The following LYZL2 variants were observed in gnomAD, a reference collection of about 807,000 sequenced individuals.
LYZL2 encodes the protein lysozyme-like protein 2.
LYZL2 carries 13 observed loss-of-function variants against 17.1 expected under a neutral mutation model. The observed-to-expected ratio is 0.76, with a 90% CI of 0.49 to 1.21. The LOEUF is 1.21. Among genes scored for constraint, LYZL2 ranks in the 50% most tolerant of loss-of-function variants. The pLI is 0.00. For missense variants in LYZL2, 166 were observed against 189.2 expected (o/e 0.88, Z 0.72); for synonymous variants, 63 against 74.4 (o/e 0.85, Z 0.79).
intron 3 of LYZL2, among the ~76,000 whole-genome samples, chr10:30,619,612 G>A (rs1441571609): frequency 6.7e-6 from 1 of 150,290 alleles, no homozygotes; most frequent in African/African-American, 2.4e-5. Context: ...TCACTCATAG[G>A]TGGGAATTGA....
downstream of LYZL2, among the ~76,000 whole-genome samples, chr10:30,607,389 C>A (rs187043919): frequency 6.4e-4 from 98 of 152,106 alleles, 1 homozygote; most frequent in African/African-American, 2.0e-3. Flanking sequence ...AATGTGCAAA[C>A]TGCAGCTTCG....
chr10:30,628,109 G>A (rs1219815640), intron 1 of LYZL2, among the ~76,000 whole-genome samples: 1 of 152,046 alleles, frequency 6.6e-6, no homozygotes, highest in East Asian at 1.9e-4. Flanking sequence ...GCAGTGAGCG[G>A]AGATTGCGCC....
chr10:30,628,173 T>C (rs1348072465), intron 1 of LYZL2, among the ~76,000 whole-genome samples: 2 of 151,826 alleles, frequency 1.3e-5, no homozygotes, highest in Non-Finnish European at 2.9e-5. Flanking sequence ...AAAAAAAAGA[T>C]TCATCGTTTG....
Position 30,629,707 on chromosome 10 carries a change from C to G in LYZL2, c.-140G>C, listed in dbSNP as rs1427633392. 1.9e-6 allele frequency: 3 copies of G among 1,608,236 alleles called. No homozygotes were observed. Among genetic ancestry groups the G allele is most frequent in the South Asian group, 1.1e-5 (1 of 90,710 alleles). On this transcript the variant is annotated 5_prime_UTR_variant, in exon 1 of 5. Coordinates refer to ENST00000647634, the MANE Select transcript of LYZL2 (RefSeq NM_183058.3). The stretch of plus-strand genomic sequence containing the variant: ...GCAGCTCAGGGGAGCGTCCTGCATC[C>G]CCTGAAGCCATGTCTGATTCTAACA...
At chr10:30,624,273 C>T (rs866741174) in intron 3 of LYZL2, among the ~76,000 whole-genome samples, 4 of 152,174 alleles carry the variant, frequency 2.6e-5, no homozygotes, top group African/African-American at 9.7e-5. Context: ...GAGTAGGCAT[C>T]AGCAGGGAAG....
downstream of LYZL2, among the ~76,000 whole-genome samples, chr10:30,607,718 T>TC (rs11440473): frequency 0.23 from 35,490 of 151,940 alleles, 5,112 homozygotes; most frequent in African/African-American, 0.42. Context: ...CACCCAGGAT[T>TC]CCTCCCAGAT....
At position 30,626,237 on chromosome 10, in the gene LYZL2, C is replaced by A; in HGVS notation, c.166G>T (p.Gly56Cys). ...ACCGTCTGGGCTGTGGTGTTGTAGC[C>A]GCTCTCATAATACGCCATGCAGATC... ...NWICMAYYESGYNTTAQTVLD... is the reference protein window; with the variant it reads ...NWICMAYYESCYNTTAQTVLD... The change falls in exon 3 of 5, where the codon GGC becomes TGC. Residue 56 changes from glycine to cysteine, a missense_variant. Physicochemically the swap from Gly to Cys is radical, Grantham distance 159 (BLOSUM62 -3). This residue lies in a region of LYZL2 where 134 missense variants were observed against 129.4 expected (regional missense o/e 1.04). Transcript: ENST00000647634. 2 of 1,614,214 alleles carry A rather than the reference C, an allele frequency of 1.2e-6. No individual in the cohort carries two copies. The highest frequency in any genetic ancestry group is 1.7e-6 in the Non-Finnish European group (2 of 1,180,030).
At chr10:30,624,733 C>T (rs1838677244) in intron 3 of LYZL2, among the ~76,000 whole-genome samples, 1 of 152,200 alleles carries the variant, frequency 6.6e-6, no homozygotes, top group African/African-American at 2.4e-5. Flanking sequence ...TAGGGTCTCA[C>T]TATGGGGTCT....
At chr10:30,609,530 CA>C (rs1366580337), downstream of LYZL2, among the ~76,000 whole-genome samples, 2 of 152,186 alleles carry the variant, frequency 1.3e-5, no homozygotes, top group Non-Finnish European at 2.9e-5. Flanking sequence ...AGTTGGGATA[CA>C]AAGAGCCAGA....
chr10:30,606,742 ACT>A, the LYZL2 span, among the ~76,000 whole-genome samples: 1 of 151,420 alleles, frequency 6.6e-6, no homozygotes, highest in South Asian at 2.1e-4. Flanking sequence ...TCTACTCCCC[ACT>A]CTGCACAGCT....
intron 1 of LYZL2, among the ~76,000 whole-genome samples, 167 bp from the exon 2 acceptor site, chr10:30,627,107 T>G (rs1417933746): frequency 6.6e-6 from 1 of 152,166 alleles, no homozygotes; most frequent in Non-Finnish European, 1.5e-5. Context: ...GGAATGTGAC[T>G]GCAGGCTGTC....
chr10:30,607,321 A>T (rs586001), downstream of LYZL2, among the ~76,000 whole-genome samples: 2 of 151,506 alleles, frequency 1.3e-5, no homozygotes, highest in Non-Finnish European at 2.9e-5. Flanking sequence ...CAATGCCTCC[A>T]TTCAATACCC....
chr10:30,616,423 G>C (rs1475806752), intron 3 of LYZL2, among the ~76,000 whole-genome samples: 4 of 152,186 alleles, frequency 2.6e-5, no homozygotes, highest in Admixed American at 2.6e-4. Context: ...GGTGGCTCAC[G>C]CCTATAATCC....
At chr10:30,609,758 C>A (rs1484048396), downstream of LYZL2, among the ~76,000 whole-genome samples, 1 of 152,148 alleles carries the variant, frequency 6.6e-6, no homozygotes, top group East Asian at 1.9e-4. Flanking sequence ...AAATATACTT[C>A]TGTTGAATAA....
At position 30,611,816 on chromosome 10, in the gene LYZL2, T is replaced by C. The variant is rs566006710; in HGVS notation, c.*139A>G. Reference sequence around the variant, plus strand: ...CATTTAAATGGAAATATTTATTTTCTTAAAAGTATAGCTTAATTTTCCCTC... The same window carrying C: ...CATTTAAATGGAAATATTTATTTTCCTAAAAGTATAGCTTAATTTTCCCTC... On this transcript the variant is annotated 3_prime_UTR_variant, in exon 5 of 5. Transcript: ENST00000647634. The C allele has an allele frequency of 4.7e-4, 689 of 1,459,536 alleles. No individual in the cohort carries two copies. Among genetic ancestry groups the C allele is most frequent in the Non-Finnish European group, 5.9e-4 (633 of 1,072,672 alleles). The allele number at this position is 1,459,536 out of a possible 1,614,324, so 90.4% of individuals were successfully genotyped here. A position where few individuals can be genotyped will look rare whatever the true frequency, so the allele number is the denominator to read the frequency against.
rs2479065 is a variant in LYZL2 at position 30,626,751 on chromosome 10, A to G, written c.139+26T>C. 3,788 of 1,612,408 alleles carry G rather than the reference A, an allele frequency of 2.3e-3. 24 individuals are homozygous for G. The African/African-American group carries it at 0.037, about 16-fold the overall frequency. On this transcript the variant is annotated intron_variant, in intron 2 of 4. Coordinates refer to ENST00000647634, the MANE Select transcript of LYZL2 (RefSeq NM_183058.3). ...CTCAGGGGAAAGGTCAAGGACAGAA[A>G]GAGAGCAGGAAAGAAATAATCTCAC...
chr10:30,610,912 C>T (rs1838423585), downstream of LYZL2, among the ~76,000 whole-genome samples: 1 of 152,142 alleles, frequency 6.6e-6, no homozygotes, highest in Non-Finnish European at 1.5e-5. Flanking sequence ...CTCTCCACAT[C>T]TCTTGCGTGC....
intron 3 of LYZL2, among the ~76,000 whole-genome samples, chr10:30,614,940 T>C (rs1838503616): frequency 6.6e-6 from 1 of 152,256 alleles, no homozygotes. Flanking sequence ...TAATCAGTGA[T>C]ATTCAAATTA....
At chr10:30,607,554 T>A (rs985934187), downstream of LYZL2, among the ~76,000 whole-genome samples, 14 of 152,164 alleles carry the variant, frequency 9.2e-5, no homozygotes, top group African/African-American at 3.4e-4. Context: ...CAGAACAGTT[T>A]CTGAGTGTCC....
Sources: allele counts gnomAD v4.1 joint callset (sites outside exome capture counted in the v4.1 genomes callset), GRCh38; gene constraint gnomAD v4.1.1; regional missense constraint gnomAD v4.1.1; transcripts MANE v1.5; gene names NCBI Gene and HGNC (gene_info 2026-07-23, HGNC 2026-07-21).